MCOLN2: variants seen among roughly 807,000 people sequenced by gnomAD.
The protein encoded by MCOLN2 is mucolipin TRP cation channel 2.
Under a neutral mutation model 67.5 loss-of-function variants are expected in MCOLN2, and 57 were observed. The observed-to-expected ratio is 0.84, with a 90% CI of 0.68 to 1.05. The LOEUF (loss-of-function observed/expected upper bound fraction) is 1.05. Among genes scored for constraint, MCOLN2 ranks in the 50% least tolerant of loss-of-function variants. The pLI, the probability that MCOLN2 is intolerant of heterozygous loss-of-function variation, is 0.00. For missense variants in MCOLN2, 620 were observed against 678.8 expected, an observed-to-expected ratio of 0.91 and a Z score of 0.96; for synonymous variants, 246 against 233.3, an observed-to-expected ratio of 1.05 and a Z score of -0.50.
At position 84,943,508 on chromosome 1, in the gene MCOLN2, G is replaced by A. The variant is rs567700501; in HGVS notation, c.848-2517C>T. On this transcript the variant is annotated intron_variant, in intron 7 of 13. Coordinates refer to ENST00000370608, the MANE Select transcript of MCOLN2 (RefSeq NM_153259.4). The stretch of plus-strand genomic sequence containing the variant: ...GAAGCAAACAGAACCAGGGACAGGC[G>A]ACCCTCAGAGAACAGACTGCGGTCA... Among the ~76,000 whole-genome samples the A allele has an allele frequency of 8.5e-5, 13 of 152,166 alleles. No individual in the cohort carries two copies. In the South Asian group the frequency reaches 1.7e-3, roughly 20 times the overall value.
intron 12 of MCOLN2, chr1:84,929,906 AGAG>A (rs1454285838): frequency 1.2e-5 from 4 of 336,696 alleles, no homozygotes; most frequent in Non-Finnish European, 2.2e-5. Context: ...GAAAGAAAGC[AGAG>A]AAGAGCCAGG....
chr1:84,931,501 G>C lies in MCOLN2; in HGVS notation c.1403C>G (p.Thr468Ser). 1 of 1,614,018 alleles carries C rather than the reference G, an allele frequency of 6.2e-7. No individual in the cohort carries two copies. Among genetic ancestry groups the C allele is most frequent in the African/African-American group, 1.3e-5 (1 of 75,008 alleles). The change falls in exon 12 of 14, where the codon ACC (threonine) becomes AGC (serine). Residue 468 changes from threonine to serine, a missense_variant. Thr to Ser is a moderately conservative substitution (Grantham distance 58, BLOSUM62 1). Coordinates refer to ENST00000370608, the MANE Select transcript of MCOLN2 (RefSeq NM_153259.4). ...GCTCTTCTGCTGGATTTGGGCAAAGGTTGCAAACATGTCATCACCGTTGAC... is the reference window on the plus strand; with the variant it reads ...GCTCTTCTGCTGGATTTGGGCAAAGCTTGCAAACATGTCATCACCGTTGAC... ...SLVNGDDMFA[T>S]FAQIQQKSIL...
chr1:84,937,147 T>C (rs1647474224), intron 11 of MCOLN2, among the ~76,000 whole-genome samples: 1 of 152,238 alleles, frequency 6.6e-6, no homozygotes, highest in South Asian at 2.1e-4. Flanking sequence ...CAATCAAATG[T>C]ATCATTTTAT....
intron 1 of MCOLN2, among the ~76,000 whole-genome samples, chr1:84,982,863 C>T (rs922928019): frequency 5.9e-5 from 9 of 151,956 alleles, no homozygotes; most frequent in Non-Finnish European, 1.2e-4. Context: ...CTACCATGCC[C>T]GGCTAATTTT....
chr1:84,926,783 C>A (rs1341186540), intron 13 of MCOLN2, 62 bp from the exon 14 acceptor site: 3 of 1,286,818 alleles, frequency 2.3e-6, no homozygotes, highest in African/African-American at 1.5e-5. Context: ...CTTTGAGGAG[C>A]AATAGGAATA....
intron 1 of MCOLN2, among the ~76,000 whole-genome samples, chr1:84,992,359 T>C (rs759992257): frequency 1.3e-5 from 2 of 152,074 alleles, no homozygotes; most frequent in East Asian, 3.9e-4. Flanking sequence ...GGAAAAGGAA[T>C]ATGGACAACA....
Position 84,931,477 on chromosome 1 carries a change from C to G in MCOLN2, c.1427G>C (p.Ser476Thr). The G allele has an allele frequency of 6.2e-7, 1 of 1,613,966 alleles. No individual in the cohort carries two copies. ...FATFAQIQQK[S>T]ILVWLFSRLY... ...ACGACTGAACAGCCACACCAAGATG[C>G]TCTTCTGCTGGATTTGGGCAAAGGT... Residue 476 changes from serine (S) to threonine (T), a missense_variant, in exon 12 of 14, where the codon AGC becomes ACC. Ser to Thr is a moderately conservative substitution (Grantham distance 58). Coordinates refer to ENST00000370608, the MANE Select transcript of MCOLN2 (RefSeq NM_153259.4).
At chr1:84,972,847 G>C (rs891217261) in intron 1 of MCOLN2, among the ~76,000 whole-genome samples, 2 of 152,122 alleles carry the variant, frequency 1.3e-5, no homozygotes, top group African/African-American at 4.8e-5. Flanking sequence ...ACAGAAAAAG[G>C]CTCTTGACCT....
At position 84,929,574 on chromosome 1, in the gene MCOLN2, T is replaced by C. The variant is rs754678946; in HGVS notation, c.1648A>G (p.Ile550Val). Reference sequence around the variant, plus strand: ...GATACTGACCTCCTCCGACAGCAGATGCAGGACAGGAAGGCTGAGGACTCT... The same window carrying C: ...GATACTGACCTCCTCCGACAGCAGACGCAGGACAGGAAGGCTGAGGACTCT... ...QKESSAFLSC[I>V]CCRRRKRSDD... The change falls in exon 13 of 14, where the codon ATC becomes GTC. Residue 550 changes from isoleucine (I) to valine (V), a missense_variant. Coordinates refer to ENST00000370608, the MANE Select transcript of MCOLN2 (RefSeq NM_153259.4). 3 of 1,613,438 alleles carry C rather than the reference T, an allele frequency of 1.9e-6. No homozygotes were observed. The highest frequency in any genetic ancestry group is 2.5e-6 in the Non-Finnish European group (3 of 1,179,626).
intron 2 of MCOLN2, among the ~76,000 whole-genome samples, chr1:84,960,789 T>A (rs1467045017): frequency 6.6e-6 from 1 of 152,126 alleles, no homozygotes; most frequent in Non-Finnish European, 1.5e-5. Flanking sequence ...TACTGACACA[T>A]ATGAAAAAAC....
chr1:84,965,824 G>C (rs1649352096), intron 1 of MCOLN2, 116 bp from the exon 2 acceptor site: 3 of 825,190 alleles, frequency 3.6e-6, no homozygotes, highest in African/African-American at 1.8e-5. Flanking sequence ...ATACTGAAAA[G>C]CCTCTTTATG....
At chr1:84,985,262 C>A (rs1650449772) in intron 1 of MCOLN2, among the ~76,000 whole-genome samples, 1 of 152,144 alleles carries the variant, frequency 6.6e-6, no homozygotes, top group Non-Finnish European at 1.5e-5. Context: ...CTAATAAACA[C>A]TTTTCAGGCT....
At chr1:84,940,203 A>C (rs914351795) in intron 8 of MCOLN2, among the ~76,000 whole-genome samples, 4 of 152,180 alleles carry the variant, frequency 2.6e-5, no homozygotes, top group Non-Finnish European at 5.9e-5. Flanking sequence ...AGCATGTAAG[A>C]AAGGTGGATA....
At chr1:84,938,761 G>A (rs938530733) in intron 9 of MCOLN2, among the ~76,000 whole-genome samples, 2 of 152,182 alleles carry the variant, frequency 1.3e-5, no homozygotes, top group African/African-American at 4.8e-5. Flanking sequence ...GGAGCAAGAG[G>A]CAGAGCTGGA....
At chr1:84,959,047 A>C (rs1388415261) in intron 2 of MCOLN2, among the ~76,000 whole-genome samples, 1 of 152,246 alleles carries the variant, frequency 6.6e-6, no homozygotes, top group Non-Finnish European at 1.5e-5. Context: ...AAAATCAATT[A>C]CTTAGTAAAG....
In MCOLN2 at chr1:84,958,519, A is replaced by G; in HGVS notation, c.411+10T>C. 1 of 1,594,998 alleles carries G rather than the reference A, an allele frequency of 6.3e-7. No homozygotes were observed. The highest frequency in any genetic ancestry group is 8.5e-7 in the Non-Finnish European group (1 of 1,175,636). ...GTTAAAGTATAGGTCATTCACAACA[A>G]AACACTTGCCTGATTAATAGCAAAA... is the stretch of plus-strand genomic sequence containing the variant. On this transcript the variant is annotated intron_variant, in intron 3 of 13. Coordinates refer to ENST00000370608, the MANE Select transcript of MCOLN2 (RefSeq NM_153259.4).
chr1:84,939,746 C>A (rs1213411071), intron 8 of MCOLN2, 44 bp from the exon 9 acceptor site: 21 of 1,603,456 alleles, frequency 1.3e-5, no homozygotes, highest in Non-Finnish European at 1.7e-5. Context: ...AACCACACTG[C>A]CCTCTGGAAG....
At chr1:84,991,795 A>G (rs1650901382) in intron 1 of MCOLN2, among the ~76,000 whole-genome samples, 1 of 152,198 alleles carries the variant, frequency 6.6e-6, no homozygotes, top group African/African-American at 2.4e-5. Flanking sequence ...CTTCTTCTAA[A>G]CAAGCCACAC....
At chr1:84,949,120 ACT>A (rs1648279061) in intron 6 of MCOLN2, among the ~76,000 whole-genome samples, 1 of 152,286 alleles carries the variant, frequency 6.6e-6, no homozygotes, top group Non-Finnish European at 1.5e-5. Flanking sequence ...ATAGATTGAG[ACT>A]CTGTCTCGAT....
Sources: allele counts gnomAD v4.1 joint callset (sites outside exome capture counted in the v4.1 genomes callset), GRCh38; gene constraint gnomAD v4.1.1; transcripts MANE v1.5; gene names NCBI Gene and HGNC (gene_info 2026-07-23, HGNC 2026-07-21).